Variants in PTGER4 observed in about 807,000 individuals in gnomAD.
PTGER4 encodes prostaglandin E2 receptor EP4 subtype.
PTGER4 carries 11 observed loss-of-function variants against 33.2 expected under a neutral mutation model. The observed-to-expected ratio is 0.33, with a 90% CI of 0.21 to 0.55. The LOEUF is 0.55. PTGER4 is among the 20% of genes least tolerant of loss of function. The probability of loss-of-function intolerance (pLI) is 0.92; values close to 1 mark genes in which losing one functional copy is unlikely to be tolerated. For missense variants in PTGER4, 481 were observed against 650.2 expected (o/e 0.74, Z 2.83); for synonymous variants, 275 against 281.5 (o/e 0.98, Z 0.23).
At chr5:40,704,887 TG>T in the PTGER4 span, among the ~76,000 whole-genome samples, 1 of 152,308 alleles carries the variant, frequency 6.6e-6, no homozygotes, top group Non-Finnish European at 1.5e-5. Context: ...ATCATTAAAA[TG>T]GCTATACTAC....
chr5:40,695,532 C>T (rs746696406), downstream of PTGER4, among the ~76,000 whole-genome samples: 5 of 149,984 alleles, frequency 3.3e-5, no homozygotes, highest in African/African-American at 7.4e-5. Context: ...GGCGACACAG[C>T]GAGACTGTCT....
the PTGER4 span, among the ~76,000 whole-genome samples, chr5:40,725,083 G>A: frequency 8.2e-4 from 124 of 151,934 alleles, no homozygotes; most frequent in African/African-American, 2.5e-3. Flanking sequence ...CCTGACCTCA[G>A]GTGATCAACC....
chr5:40,685,529 T>C, intron 2 of PTGER4: 1 of 937,252 alleles, frequency 1.1e-6, no homozygotes, highest in Non-Finnish European at 1.3e-6. Context: ...TTCAAATAAA[T>C]TTGGCTAAGT....
chr5:40,697,884 T>A (rs1440751924), downstream of PTGER4, among the ~76,000 whole-genome samples: 5 of 151,450 alleles, frequency 3.3e-5, no homozygotes, highest in Non-Finnish European at 7.4e-5. Context: ...TCCTAAAGCT[T>A]TGGGAGGCTG....
chr5:40,743,257 G>A, the PTGER4 span, among the ~76,000 whole-genome samples: 1 of 152,078 alleles, frequency 6.6e-6, no homozygotes, highest in Non-Finnish European at 1.5e-5. Context: ...AGGAAGACAG[G>A]CAGCAGAAAA....
At chr5:40,699,308 A>G in the PTGER4 span, among the ~76,000 whole-genome samples, 1 of 152,170 alleles carries the variant, frequency 6.6e-6, no homozygotes, top group South Asian at 2.1e-4. Flanking sequence ...ACACTATCAA[A>G]TGTGATATAA....
chr5:40,692,361 T>A lies in PTGER4; in HGVS notation c.1450T>A (p.Ser484Thr). ...ATTTCCCAGTGAAACACTGAACTTA[T>A]CAGAAAAATGTATATAATAGGCAAG... ...VTFPSETLNL[S>T]EKCI The change falls in exon 3 of 3, where the codon TCA (serine) becomes ACA (threonine). Residue 484 changes from serine (S) to threonine (T), a missense_variant. By Grantham distance (58) the Ser-to-Thr change is moderately conservative (BLOSUM62 1). Coordinates refer to ENST00000302472, the MANE Select transcript of PTGER4 (RefSeq NM_000958.3). 6.3e-7 allele frequency: 1 copy of A among 1,594,554 alleles called. No individual in the cohort carries two copies.
chr5:40,709,072 TATC>T, the PTGER4 span, among the ~76,000 whole-genome samples: 2 of 152,130 alleles, frequency 1.3e-5, no homozygotes, highest in African/African-American at 2.4e-5. Context: ...CCACAGCCAA[TATC>T]ATACTGAATG....
At chr5:40,703,435 G>C in the PTGER4 span, among the ~76,000 whole-genome samples, 1 of 152,066 alleles carries the variant, frequency 6.6e-6, no homozygotes, top group African/African-American at 2.4e-5. Context: ...TCCCAAGACT[G>C]AGCCAAGAAG....
At chr5:40,710,527 C>T in the PTGER4 span, among the ~76,000 whole-genome samples, 15 of 152,138 alleles carry the variant, frequency 9.9e-5, no homozygotes, top group Non-Finnish European at 1.3e-4. Flanking sequence ...GGCAATTCCT[C>T]GGGGATCTAG....
rs767362001 is a variant in PTGER4 at position 40,680,953 on chromosome 5, C to G, written c.-41C>G. The stretch of plus-strand genomic sequence containing the variant: ...TGTCTCTCTTCTACCATCCCCAGAC[C>G]CAGCCTTGCACTCCAAGGCTGCGCA... On this transcript the variant is annotated splice_region_variant and 5_prime_UTR_variant, in exon 2 of 3. Coordinates refer to ENST00000302472, the MANE Select transcript of PTGER4 (RefSeq NM_000958.3). The surrounding 1 kb of genome is among the most constrained non-coding windows in gnomAD (Gnocchi z 5.5). 2 of 1,564,216 alleles carry G rather than the reference C, an allele frequency of 1.3e-6. No homozygotes were observed. The highest frequency in any genetic ancestry group is 3.7e-5 in the Admixed American group (2 of 54,734).
chr5:40,721,001 G>A, the PTGER4 span, among the ~76,000 whole-genome samples: 15 of 152,232 alleles, frequency 9.9e-5, no homozygotes, highest in Admixed American at 3.3e-4. Context: ...CAGAGATAAC[G>A]GAGGTTTGGA....
chr5:40,695,707 T>C (rs1352873672), downstream of PTGER4, among the ~76,000 whole-genome samples: 1 of 152,056 alleles, frequency 6.6e-6, no homozygotes, highest in African/African-American at 2.4e-5. Flanking sequence ...GGAGACTCCG[T>C]CGGAAAAAAG....
chr5:40,741,743 C>A, the PTGER4 span, among the ~76,000 whole-genome samples: 632 of 152,282 alleles, frequency 4.2e-3, 3 homozygotes, highest in African/African-American at 0.015. Flanking sequence ...AATTCCAGCA[C>A]TCTGGGTGGC....
At chr5:40,716,566 GT>G in the PTGER4 span, 1 of 1,019,404 alleles carries the variant, frequency 9.8e-7, no homozygotes, top group Non-Finnish European at 1.5e-6. Flanking sequence ...AATCCTGTGT[GT>G]TTACGTACAT....
chr5:40,744,731 C>T, the PTGER4 span, among the ~76,000 whole-genome samples: 2 of 152,040 alleles, frequency 1.3e-5, no homozygotes, highest in African/African-American at 4.8e-5. Context: ...TTCAAATCAA[C>T]AATTCTTATA....
rs1189145623 is a variant in PTGER4, at chr5:40,692,177, C to T, written c.1266C>T (p.Gly422=). Residue 422 remains glycine (G), a synonymous_variant, in exon 3 of 3, where the codon GGC becomes GGT. Transcript: ENST00000302472. ...TGCTTCCAGGTGTGCCTGGCATGGGCCTGGCCCAGGAAGACACCACCTCAC... is the reference window on the plus strand; with the variant it reads ...TGCTTCCAGGTGTGCCTGGCATGGGTCTGGCCCAGGAAGACACCACCTCAC... ...RNLLPGVPGM[G]LAQEDTTSLR... 4 of 1,614,108 alleles carry T rather than the reference C, an allele frequency of 2.5e-6. No homozygotes were observed. Among genetic ancestry groups the T allele is most frequent in the Non-Finnish European group, 3.4e-6 (4 of 1,180,054 alleles).
the PTGER4 span, among the ~76,000 whole-genome samples, chr5:40,729,919 G>A: frequency 4.6e-5 from 7 of 152,170 alleles, no homozygotes; most frequent in East Asian, 1.2e-3. Flanking sequence ...GGGTGGTCTC[G>A]AACTTCTGAC....
the PTGER4 span, chr5:40,716,271 T>C: frequency 6.2e-7 from 1 of 1,614,226 alleles, no homozygotes; most frequent in Non-Finnish European, 8.5e-7. Flanking sequence ...CTGTCTTCTC[T>C]TTCTCAGCAA....
Sources: gnomAD v4.1 joint callset for allele counts (sites outside exome capture counted in the v4.1 genomes callset) on GRCh38, gnomAD v4.1.1 for gene constraint, Gnocchi (gnomAD v3.1) non-coding constraint, MANE v1.5 for transcripts, NCBI Gene and HGNC (gene_info 2026-07-23, HGNC 2026-07-21) for gene names.